SORBS2: variants seen among roughly 807,000 people sequenced by gnomAD.
SORBS2 encodes the protein sorbin and SH3 domain-containing protein 2.
A neutral mutation model predicts 97.7 loss-of-function variants in SORBS2; 46 were observed. The ratio of observed to expected loss-of-function variants is 0.47; its 90% CI spans 0.37 to 0.60. The LOEUF (loss-of-function observed/expected upper bound fraction) is 0.60, where lower values mean the gene tolerates loss of function less well. Among genes scored for constraint, SORBS2 ranks in the 20% least tolerant of loss-of-function variants. The probability of loss-of-function intolerance (pLI) is 0.00; values close to 1 mark genes in which losing one functional copy is unlikely to be tolerated. For synonymous variants in SORBS2, 476 were observed against 473.4 expected (o/e 1.01, Z -0.07); for missense variants, 1,316 against 1,282.3 (o/e 1.03, Z -0.40).
chr4:185,823,931 G>C (rs552619132), intron 1 of SORBS2, among the ~76,000 whole-genome samples: 3 of 152,202 alleles, frequency 2.0e-5, no homozygotes, highest in Non-Finnish European at 4.4e-5. Context: ...ACTAAGGGAA[G>C]TCACCTTAAA....
At chr4:185,814,234 G>C (rs1334836400) in intron 1 of SORBS2, among the ~76,000 whole-genome samples, 1 of 151,930 alleles carries the variant, frequency 6.6e-6, no homozygotes, top group African/African-American at 2.4e-5. Flanking sequence ...TGATTGATTG[G>C]TTGGCAAGGC....
chr4:185,902,294 A>G (rs1418748443), intron 1 of SORBS2, among the ~76,000 whole-genome samples: 4 of 152,120 alleles, frequency 2.6e-5, no homozygotes, highest in Non-Finnish European at 5.9e-5. Flanking sequence ...TTTTTTATTT[A>G]TATATTTTCT....
At chr4:185,792,232 C>T (rs1166457216) in intron 1 of SORBS2, among the ~76,000 whole-genome samples, 3 of 152,126 alleles carry the variant, frequency 2.0e-5, no homozygotes, top group African/African-American at 7.2e-5. Flanking sequence ...TGGTGGCTTA[C>T]GCCTATAATC....
chr4:185,802,572 A>G (rs1585076588), intron 1 of SORBS2, among the ~76,000 whole-genome samples: 1 of 152,162 alleles, frequency 6.6e-6, no homozygotes, highest in East Asian at 1.9e-4. Flanking sequence ...ACACTAACAT[A>G]CTAACAAATG....
rs185158468 is a variant in SORBS2, at chr4:185,590,002, C to T, written c.2847-217G>A. Among the ~76,000 whole-genome samples, 42 of 152,270 alleles carry T rather than the reference C, an allele frequency of 2.8e-4. No individual in the cohort carries two copies. The East Asian group carries it at 6.7e-3, about 24-fold the overall frequency. On this transcript the variant is annotated intron_variant, in intron 13 of 14. Coordinates refer to ENST00000418609, the Ensembl canonical transcript of SORBS2. ...ATGTAGATCTTCACAGGCATTAGAA[C>T]ACTCTAACAACATTTTGAAACTCAC...
chr4:185,659,703 G>T (rs915869710), upstream of SORBS2, among the ~76,000 whole-genome samples: 6 of 152,190 alleles, frequency 3.9e-5, no homozygotes, highest in East Asian at 9.6e-4. Context: ...TTACAGGCGT[G>T]AGCCACCGCG....
At chr4:185,694,997 G>A (rs1215610160) in intron 2 of SORBS2, among the ~76,000 whole-genome samples, 8 of 151,886 alleles carry the variant, frequency 5.3e-5, no homozygotes, top group African/African-American at 7.2e-5. Context: ...GAGCCACCAC[G>A]CCTGGCCAAT....
At chr4:185,590,255 G>GAGA (rs1174567449) in intron 13 of SORBS2, among the ~76,000 whole-genome samples, 2 of 152,194 alleles carry the variant, frequency 1.3e-5, no homozygotes, top group African/African-American at 4.8e-5. Flanking sequence ...ATGGGGGCTT[G>GAGA]AGAATTGAAT....
At chr4:185,704,545 C>T (rs1033031843) in intron 2 of SORBS2, among the ~76,000 whole-genome samples, 6 of 152,044 alleles carry the variant, frequency 3.9e-5, no homozygotes, top group African/African-American at 1.5e-4. Context: ...TCTCGAGTTC[C>T]TGACCTCAGG....
At chr4:185,678,122 C>G (rs1582543403) in intron 4 of SORBS2, among the ~76,000 whole-genome samples, 2 of 152,114 alleles carry the variant, frequency 1.3e-5, no homozygotes, top group East Asian at 3.8e-4. Context: ...CTGACCTCAT[C>G]AGTTTAAATC....
chr4:185,952,840 TTCC>T (rs2150032298), intron 1 of SORBS2, among the ~76,000 whole-genome samples: 1 of 152,322 alleles, frequency 6.6e-6, no homozygotes, highest in South Asian at 2.1e-4. Context: ...AAACAAATTC[TTCC>T]TACAAACAGC....
At chr4:185,915,840 C>A (rs540012166) in intron 1 of SORBS2, among the ~76,000 whole-genome samples, 1 of 152,250 alleles carries the variant, frequency 6.6e-6, no homozygotes, top group African/African-American at 2.4e-5. Context: ...CACAAAAAAA[C>A]CTAACCCTGG....
chr4:185,675,977 A>G (rs1235374034), intron 4 of SORBS2, among the ~76,000 whole-genome samples: 1 of 152,216 alleles, frequency 6.6e-6, no homozygotes, highest in Non-Finnish European at 1.5e-5. Context: ...ACAGTTTAAA[A>G]GTATATCTCC....
chr4:185,646,672 C>A, exon 4 of SORBS2: 1 of 1,603,650 alleles, frequency 6.2e-7, no homozygotes, highest in Non-Finnish European at 8.5e-7. Context: ...GCTTACTGGT[C>A]TTTCATGCTG....
At chr4:185,586,470 T>G (rs1321948920) in exon 15 of SORBS2, 4 of 152,750 alleles carry the variant, frequency 2.6e-5, no homozygotes, top group Non-Finnish European at 5.9e-5. Flanking sequence ...GATTCTGAGT[T>G]CCATAGAAGA....
intron 4 of SORBS2, among the ~76,000 whole-genome samples, chr4:185,635,827 C>T (rs190640208): frequency 6.6e-6 from 1 of 150,806 alleles, no homozygotes; most frequent in African/African-American, 2.5e-5. Flanking sequence ...AGAATAGTCC[C>T]TATAAGCTTT....
Position 185,680,903 on chromosome 4 carries a change from G to C in SORBS2, c.-197-2081C>G, listed in dbSNP as rs1158887394. Among the ~76,000 whole-genome samples, 3 of 152,256 alleles carry C rather than the reference G, an allele frequency of 2.0e-5. No homozygotes were observed. In the East Asian group the frequency reaches 5.8e-4, roughly 29 times the overall value. Reference sequence around the variant, plus strand: ...CGGTAAGTGTGAGAATCAGAGGACAGTCACTCCAGGCTCAACTGTGGGTTT... The same window carrying C: ...CGGTAAGTGTGAGAATCAGAGGACACTCACTCCAGGCTCAACTGTGGGTTT... On this transcript the variant is annotated intron_variant, in intron 2 of 20. Transcript: ENST00000284776.
chr4:185,835,854 G>GT (rs1399065637), intron 1 of SORBS2, among the ~76,000 whole-genome samples: 1 of 151,954 alleles, frequency 6.6e-6, no homozygotes, highest in South Asian at 2.1e-4. Flanking sequence ...AACCCGGCCT[G>GT]TTTCCCTGAA....
At chr4:185,887,117 G>T (rs566094232) in intron 1 of SORBS2, among the ~76,000 whole-genome samples, 1 of 152,214 alleles carries the variant, frequency 6.6e-6, no homozygotes, top group Non-Finnish European at 1.5e-5. Context: ...AAGGCATTTA[G>T]TAGGTAGAAG....
Sources: allele counts gnomAD v4.1 joint callset (sites outside exome capture counted in the v4.1 genomes callset), GRCh38; gene constraint gnomAD v4.1.1; transcripts MANE v1.5; gene names NCBI Gene and HGNC (gene_info 2026-07-23, HGNC 2026-07-21).